The following NTN4 variants were observed in gnomAD, a reference collection of about 807,000 sequenced individuals.
NTN4 encodes netrin 4, also known as netrin-4.
In NTN4, 32 loss-of-function variants were observed where a neutral mutation model predicts 73.6. The observed-to-expected ratio is 0.44, with a 90% CI of 0.33 to 0.58. The LOEUF is 0.58. NTN4 is among the 20% of genes least tolerant of loss of function. The pLI, the probability that NTN4 is intolerant of heterozygous loss-of-function variation, is 0.04. For synonymous variants in NTN4, 258 were observed against 287.5 expected (o/e 0.90, Z 1.04); for missense variants, 654 against 798.3 (o/e 0.82, Z 2.18).
intron 9 of NTN4, among the ~76,000 whole-genome samples, chr12:95,662,262 A>C (rs2078144865): frequency 8.8e-6 from 1 of 113,836 alleles, no homozygotes; most frequent in Non-Finnish European, 1.7e-5. Context: ...ACAGGGTCTC[A>C]CTCTGTCACC....
chr12:95,705,100 G>A (rs2078513495), intron 5 of NTN4, among the ~76,000 whole-genome samples: 2 of 152,026 alleles, frequency 1.3e-5, no homozygotes, highest in African/African-American at 2.4e-5. Context: ...AACATATAAG[G>A]GGATCAGAAA....
Position 95,787,041 on chromosome 12 carries a change from C to T in NTN4, c.483G>A (p.Ala161=), listed in dbSNP as rs769059242. The T allele has an allele frequency of 1.8e-5, 29 of 1,614,020 alleles. No individual in the cohort carries two copies. Among genetic ancestry groups the T allele is most frequent in the South Asian group, 1.4e-4 (13 of 91,086 alleles). Residue 161 remains alanine (A), a synonymous_variant, in exon 2 of 10, where the codon GCG becomes GCA. Coordinates refer to ENST00000343702, the MANE Select transcript of NTN4 (RefSeq NM_021229.4). ...GKTWKPYKYF[A]TNCSATFGLE... is the part of the protein sequence containing the mutation. ...GGCCAAATGTAGCGGAGCAGTTAGTCGCAAAGTACTTATAAGGCTTCCATG... is the reference window on the plus strand; with the variant it reads ...GGCCAAATGTAGCGGAGCAGTTAGTTGCAAAGTACTTATAAGGCTTCCATG...
intron 2 of NTN4, among the ~76,000 whole-genome samples, chr12:95,761,867 A>G (rs954220958): frequency 2.0e-5 from 3 of 152,110 alleles, no homozygotes; most frequent in Non-Finnish European, 4.4e-5. Flanking sequence ...TTCAGCTGTA[A>G]TGAGACCAAA....
At chr12:95,685,662 T>TA (rs2078355587) in intron 5 of NTN4, among the ~76,000 whole-genome samples, 1 of 152,230 alleles carries the variant, frequency 6.6e-6, no homozygotes. Context: ...ATTTTTCCTT[T>TA]AAAATATCAG....
intron 2 of NTN4, among the ~76,000 whole-genome samples, chr12:95,759,998 C>T (rs1342658790): frequency 2.0e-5 from 3 of 151,920 alleles, no homozygotes; most frequent in Non-Finnish European, 2.9e-5. Context: ...ATTTTCATGC[C>T]TTGTAATTTA....
chr12:95,741,069 G>C, intron 2 of NTN4, among the ~76,000 whole-genome samples: 1 of 152,096 alleles, frequency 6.6e-6, no homozygotes, highest in Non-Finnish European at 1.5e-5. Flanking sequence ...TATTTAGCCA[G>C]GCTGCTATTG....
chr12:95,749,804 G>A (rs1408553334), intron 2 of NTN4, among the ~76,000 whole-genome samples: 1 of 148,168 alleles, frequency 6.7e-6, no homozygotes, highest in Admixed American at 6.7e-5. Flanking sequence ...CTGCTTTTCT[G>A]GGGGAGGGGC....
intron 2 of NTN4, among the ~76,000 whole-genome samples, chr12:95,785,874 A>G (rs2079163714): frequency 6.6e-6 from 1 of 152,218 alleles, no homozygotes; most frequent in Non-Finnish European, 1.5e-5. Flanking sequence ...CAACCTCGGT[A>G]CATTGACATT....
At chr12:95,732,604 TGTTGGCCG>T (rs2078746780) in intron 3 of NTN4, among the ~76,000 whole-genome samples, 1 of 152,032 alleles carries the variant, frequency 6.6e-6, no homozygotes, top group African/African-American at 2.4e-5. Flanking sequence ...GGTTTTACCG[TGTTGGCCG>T]GGCAGATCAC....
chr12:95,769,267 A>G (rs11831837), intron 2 of NTN4, among the ~76,000 whole-genome samples: 51,621 of 151,714 alleles, frequency 0.34, 9,291 homozygotes, highest in East Asian at 0.6. Context: ...ACAGAAGGAC[A>G]GGGGGCAGTG....
At chr12:95,673,130 C>A in intron 7 of NTN4, 1 of 881,220 alleles carries the variant, frequency 1.1e-6, no homozygotes, top group East Asian at 3.1e-5. Context: ...TCCCTCTGCT[C>A]ATCCCTCCTG....
chr12:95,770,059 T>C (rs1385180847), intron 2 of NTN4, among the ~76,000 whole-genome samples: 1 of 152,008 alleles, frequency 6.6e-6, no homozygotes, highest in Non-Finnish European at 1.5e-5. Context: ...TCCCGGCGGG[T>C]TTTCAATCTT....
intron 2 of NTN4, among the ~76,000 whole-genome samples, chr12:95,779,612 C>A (rs2079118214): frequency 6.6e-6 from 1 of 151,822 alleles, no homozygotes; most frequent in Admixed American, 6.6e-5. Flanking sequence ...ATGTGATGGA[C>A]CTCTTCAAGA....
chr12:95,779,177 G>T (rs576138177), intron 2 of NTN4, among the ~76,000 whole-genome samples: 11 of 152,104 alleles, frequency 7.2e-5, no homozygotes, highest in Non-Finnish European at 1.3e-4. Flanking sequence ...TAAGAGCTAT[G>T]TATGACAAAC....
intron 2 of NTN4, among the ~76,000 whole-genome samples, chr12:95,741,413 A>AATT (rs2078822806): frequency 1.1e-5 from 1 of 93,650 alleles, no homozygotes; most frequent in Non-Finnish European, 2.0e-5. Context: ...CCTATAATGT[A>AATT]AATTATGTAT....
chr12:95,690,020 C>T (rs2078389962), intron 5 of NTN4, among the ~76,000 whole-genome samples: 1 of 152,170 alleles, frequency 6.6e-6, no homozygotes, highest in Non-Finnish European at 1.5e-5. Context: ...CTGAGCCCCA[C>T]ATTTCTATTT....
chr12:95,706,252 TAAG>T (rs2078521071), intron 5 of NTN4, among the ~76,000 whole-genome samples: 1 of 151,924 alleles, frequency 6.6e-6, no homozygotes, highest in African/African-American at 2.4e-5. Flanking sequence ...TTACATTTAG[TAAG>T]AATATGAGCC....
At chr12:95,746,390 C>T (rs1011562140) in intron 2 of NTN4, among the ~76,000 whole-genome samples, 22 of 152,018 alleles carry the variant, frequency 1.4e-4, no homozygotes, top group Non-Finnish European at 3.2e-4. Context: ...AACTAGACCC[C>T]CCCCTCCCCT....
At chr12:95,703,681 G>T (rs1274823497) in intron 5 of NTN4, among the ~76,000 whole-genome samples, 3 of 152,110 alleles carry the variant, frequency 2.0e-5, no homozygotes, top group Non-Finnish European at 4.4e-5. Flanking sequence ...TTAGAACTCT[G>T]CAGATCAAAC....
Sources: allele counts gnomAD v4.1 joint callset (sites outside exome capture counted in the v4.1 genomes callset), GRCh38; gene constraint gnomAD v4.1.1; transcripts MANE v1.5; gene names NCBI Gene and HGNC (gene_info 2026-07-23, HGNC 2026-07-21).